Variants in SMARCD3 observed in about 807,000 individuals in gnomAD.
SMARCD3 encodes SWI/SNF-related matrix-associated actin-dependent regulator of chromatin subfamily D member 3.
Under a neutral mutation model 58.0 loss-of-function variants are expected in SMARCD3, and 14 were observed. That is an observed-to-expected ratio of 0.24 (90% CI 0.16 to 0.38). The LOEUF (loss-of-function observed/expected upper bound fraction) is 0.38, where lower values mean the gene tolerates loss of function less well. SMARCD3 is among the 10% of genes least tolerant of loss of function. The probability of loss-of-function intolerance (pLI) is 1.00; values close to 1 mark genes in which losing one functional copy is unlikely to be tolerated. For missense variants in SMARCD3, 408 were observed against 636.9 expected (o/e 0.64, Z 3.87); for synonymous variants, 253 against 253.8 (o/e 1.00, Z 0.03).
Position 151,245,533 on chromosome 7 carries a change from C to A in SMARCD3, c.217G>T (p.Ala73Ser). Residue 73 changes from alanine (A) to serine (S), a missense_variant, in exon 2 of 13, where the codon GCG (alanine) becomes TCG (serine). Physicochemically the swap from Ala to Ser is moderately conservative, Grantham distance 99. Around this residue, in one of 4 missense-constraint regions of SMARCD3, gnomAD observed 128 missense variants for 188.8 expected, o/e 0.68. Transcript: ENST00000262188. This position sits in a 1 kb window ranked among gnomAD's most constrained non-coding sequence, Gnocchi z 6.2. ...GCCTGGCTCTGCCCGGGCGGGGGCGCTGCTCGCTTGCGGGCGGGCTCCATG... is the reference window on the plus strand; with the variant it reads ...GCCTGGCTCTGCCCGGGCGGGGGCGATGCTCGCTTGCGGGCGGGCTCCATG... ...AGMEPARKRA[A>S]PPPGQSQAQS... 1 of 1,220,760 alleles carries A rather than the reference C, an allele frequency of 8.2e-7. No individual in the cohort carries two copies. The highest frequency in any genetic ancestry group is 1.0e-6 in the Non-Finnish European group (1 of 979,600). 75.6% of individuals were successfully genotyped at this position (1,220,760 alleles called of 1,614,324 possible).
Position 151,242,900 on chromosome 7 carries a change from G to A in SMARCD3, c.334-57C>T. ...GGCTCAAGTCCAGGGTTGTACCATG[G>A]AATGTATGCATGTTGTGCAATCCTA... On this transcript the variant is annotated intron_variant, in intron 3 of 12. Transcript: ENST00000262188. This position sits in a 1 kb window ranked among gnomAD's most constrained non-coding sequence, Gnocchi z 4.7. 6.3e-7 allele frequency: 1 copy of A among 1,597,980 alleles called. No individual in the cohort carries two copies. Among genetic ancestry groups the A allele is most frequent in the Non-Finnish European group, 8.5e-7 (1 of 1,172,464 alleles).
rs1803093802 is a variant in SMARCD3, at chr7:151,243,370, C to T, written c.333+289G>A. ...CCACCTTCTATCCCCTTCATTCTGC[C>T]TGGCAGCTTCTGATCCCCTAGCTCT... is the stretch of plus-strand genomic sequence containing the variant. On this transcript the variant is annotated intron_variant, in intron 3 of 12. Transcript: ENST00000262188. The surrounding 1 kb of genome is among the most constrained non-coding windows in gnomAD (Gnocchi z 4.4). Among the ~76,000 whole-genome samples, 1 of 152,160 alleles carries T rather than the reference C, an allele frequency of 6.6e-6. No homozygotes were observed. The highest frequency in any genetic ancestry group is 1.5e-5 in the Non-Finnish European group (1 of 68,022).
chr7:151,245,496 C>CCCTGGCTCTGTG lies in SMARCD3; in HGVS notation c.242_253dup (p.Ala81_Gln84dup). 1 of 1,225,668 alleles carries CCCTGGCTCTGTG rather than the reference C, an allele frequency of 8.2e-7. No homozygotes were observed. The allele number at this position is 1,225,668 out of a possible 1,614,324, so 75.9% of individuals were successfully genotyped here. On this transcript the variant is annotated inframe_insertion, in exon 2 of 13. Transcript: ENST00000262188. The surrounding 1 kb of genome is among the most constrained non-coding windows in gnomAD (Gnocchi z 6.2). ...CGCGGGGGCGGTGGGCACCGGCTGG[C>CCCTGGCTCTGTG]CCTGGCTCTGTGCCTGGCTCTGCCC... is the stretch of plus-strand genomic sequence containing the variant.
In SMARCD3 at chr7:151,241,587, C is replaced by T; in HGVS notation, c.844G>A (p.Ala282Thr). The T allele has an allele frequency of 6.2e-7, 1 of 1,611,042 alleles. No homozygotes were observed. Among genetic ancestry groups the T allele is most frequent in the Non-Finnish European group, 8.5e-7 (1 of 1,178,648 alleles). The part of the protein sequence containing the change: ...LLGLHTQSRS[A>T]IVQALWQYVK... ...TACTGCCACAGGGCCTGGACAATGG[C>T]TGAGCGGCTCTGTGTGTGCAGCCCC... is the stretch of plus-strand genomic sequence containing the variant. The change falls in exon 8 of 13, where the codon GCC (alanine) becomes ACC (threonine). Residue 282 changes from alanine (A) to threonine (T), a missense_variant. Ala to Thr is a moderately conservative substitution (Grantham distance 58). Coordinates refer to ENST00000262188, the MANE Select transcript of SMARCD3 (RefSeq NM_001003801.2). The surrounding 1 kb of genome is among the most constrained non-coding windows in gnomAD (Gnocchi z 5.3).
intron 9 of SMARCD3, 36 bp from the exon 10 acceptor site, chr7:151,240,283 C>T: frequency 6.8e-7 from 1 of 1,470,870 alleles, no homozygotes; most frequent in Non-Finnish European, 9.0e-7. Context: ...GTCCACGATG[C>T]CCCCATACGG....
In SMARCD3 at chr7:151,242,939, G is replaced by A; in HGVS notation, c.334-96C>T. ...TGTGCAATCCTAGGGTACAAAAGATGTCAGGGGAGCCATCCTACTTTTGGG... is the reference window on the plus strand; with the variant it reads ...TGTGCAATCCTAGGGTACAAAAGATATCAGGGGAGCCATCCTACTTTTGGG... On this transcript the variant is annotated intron_variant, in intron 3 of 12. Transcript: ENST00000262188. The surrounding 1 kb of genome is among the most constrained non-coding windows in gnomAD (Gnocchi z 4.7). 1.4e-6 allele frequency: 2 copies of A among 1,462,210 alleles called. No individual in the cohort carries two copies. Among genetic ancestry groups the A allele is most frequent in the Non-Finnish European group, 1.9e-6 (2 of 1,079,848 alleles). 90.6% of individuals were successfully genotyped at this position (1,462,210 alleles called of 1,614,324 possible).
upstream of SMARCD3, among the ~76,000 whole-genome samples, chr7:151,249,932 T>C (rs1480099877): frequency 1.0e-3 from 4 of 3,908 alleles, no homozygotes; most frequent in African/African-American, 5.2e-3. This position sits in a 1 kb window ranked among gnomAD's most constrained non-coding sequence, Gnocchi z 4.8. Context: ...TTCTCCTTCT[T>C]GGGGAGGAGC....
rs757814913 is a variant in SMARCD3, at chr7:151,242,559, A to C, written c.501T>G (p.Pro167=). 4 of 1,613,960 alleles carry C rather than the reference A, an allele frequency of 2.5e-6. No homozygotes were observed. The African/African-American group carries it at 5.3e-5, about 22-fold the overall frequency. ...LRLYISNTFN[P]AKPDAEDSDG... ...CGGAATCCTCAGCATCAGGCTTCGCAGGGTTAAAAGTGTTGGAGATATAGA... is the reference window on the plus strand; with the variant it reads ...CGGAATCCTCAGCATCAGGCTTCGCCGGGTTAAAAGTGTTGGAGATATAGA... Residue 167 remains proline, a synonymous_variant, in exon 5 of 13, where the codon CCT becomes CCG. Coordinates refer to ENST00000262188, the MANE Select transcript of SMARCD3 (RefSeq NM_001003801.2). This position sits in a 1 kb window ranked among gnomAD's most constrained non-coding sequence, Gnocchi z 4.7.
chr7:151,264,389 G>A (rs1804016460), intron 2 of SMARCD3, among the ~76,000 whole-genome samples: 1 of 152,132 alleles, frequency 6.6e-6, no homozygotes, highest in Non-Finnish European at 1.5e-5. Flanking sequence ...AAACAGAGAG[G>A]AGCTAATGTC....
At chr7:151,275,465 C>T (rs1284569853) in intron 1 of SMARCD3, among the ~76,000 whole-genome samples, 3 of 152,172 alleles carry the variant, frequency 2.0e-5, no homozygotes, top group Admixed American at 6.5e-5. Context: ...GGGAAGCAGA[C>T]AGAGACCGGC....
At chr7:151,248,000 C>A (rs1803353912) in intron 1 of SMARCD3, among the ~76,000 whole-genome samples, 1 of 152,140 alleles carries the variant, frequency 6.6e-6, no homozygotes, top group Non-Finnish European at 1.5e-5. Context: ...GGTGGCTCAG[C>A]CTGCGAGCTT....
chr7:151,266,546 G>A (rs1175720289), intron 2 of SMARCD3, among the ~76,000 whole-genome samples: 2 of 152,150 alleles, frequency 1.3e-5, no homozygotes, highest in African/African-American at 4.8e-5. Context: ...TATTGAGAAA[G>A]GGACAGGAAG....
Position 151,241,490 on chromosome 7 carries a change from A to C in SMARCD3, c.939+2T>G. ...GATCCCAGGGTTCAGGAGAGAGGTT[A>C]CCTGCTGGAAATACTTGTCCCCATT... On this transcript the variant is annotated splice_donor_variant, in intron 8 of 12. Coordinates refer to ENST00000262188, the MANE Select transcript of SMARCD3 (RefSeq NM_001003801.2). LOFTEE classifies it high-confidence loss of function. This position sits in a 1 kb window ranked among gnomAD's most constrained non-coding sequence, Gnocchi z 5.3. 1 of 1,611,244 alleles carries C rather than the reference A, an allele frequency of 6.2e-7. No homozygotes were observed. The highest frequency in any genetic ancestry group is 8.5e-7 in the Non-Finnish European group (1 of 1,178,814).
intron 2 of SMARCD3, among the ~76,000 whole-genome samples, chr7:151,267,897 A>AGCCC (rs1224614055): frequency 6.6e-6 from 1 of 152,192 alleles, no homozygotes; most frequent in Non-Finnish European, 1.5e-5. Flanking sequence ...GAACTGCCTG[A>AGCCC]GCCCAGGATG....
chr7:151,253,927 A>C (rs2150603542), intron 2 of SMARCD3, among the ~76,000 whole-genome samples: 1 of 152,176 alleles, frequency 6.6e-6, no homozygotes, highest in Non-Finnish European at 1.5e-5. Flanking sequence ...TGGGTCACTC[A>C]GAACCATCCT....
At chr7:151,251,968 C>T (rs541384353), upstream of SMARCD3, among the ~76,000 whole-genome samples, 7 of 150,384 alleles carry the variant, frequency 4.7e-5, no homozygotes, top group South Asian at 1.5e-3. Flanking sequence ...CGGTCCCCGG[C>T]CTGGGCATGC....
chr7:151,275,031 G>A (rs1795298623), intron 2 of SMARCD3: 2 of 1,125,338 alleles, frequency 1.8e-6, no homozygotes, highest in South Asian at 1.3e-5. Flanking sequence ...GCCATGTGGT[G>A]GGAGCAGGAG....
At chr7:151,256,685 G>GA (rs1344241892) in intron 2 of SMARCD3, among the ~76,000 whole-genome samples, 14 of 152,082 alleles carry the variant, frequency 9.2e-5, no homozygotes, top group Non-Finnish European at 1.3e-4. Context: ...CACCCCGACA[G>GA]GAGTTTTTTG....
rs1803069891 is a variant in SMARCD3, at chr7:151,242,876, G to T, written c.334-33C>A. The T allele has an allele frequency of 6.2e-7, 1 of 1,612,860 alleles. No homozygotes were observed. The highest frequency in any genetic ancestry group is 8.5e-7 in the Non-Finnish European group (1 of 1,179,408). ...AGGAGGAGCAGGGCAGGAGTCAGAG[G>T]CTCAAGTCCAGGGTTGTACCATGGA... is the stretch of plus-strand genomic sequence containing the variant. On this transcript the variant is annotated intron_variant, in intron 3 of 12. Coordinates refer to ENST00000262188, the MANE Select transcript of SMARCD3 (RefSeq NM_001003801.2). The surrounding 1 kb of genome is among the most constrained non-coding windows in gnomAD (Gnocchi z 4.7).
Sources: gnomAD v4.1 joint callset for allele counts (sites outside exome capture counted in the v4.1 genomes callset) on GRCh38, gnomAD v4.1.1 for gene constraint, gnomAD v4.1.1 regional missense constraint, Gnocchi (gnomAD v3.1) non-coding constraint, MANE v1.5 for transcripts, NCBI Gene and HGNC (gene_info 2026-07-23, HGNC 2026-07-21) for gene names.